The following SLC71A1 variants were observed in gnomAD, a reference collection of about 807,000 sequenced individuals.
SLC71A1 encodes solute carrier family 71 member 1.
At chr1:100,043,872 C>T in the SLC71A1 span, among the ~76,000 whole-genome samples, 2 of 152,208 alleles carry the variant, frequency 1.3e-5, no homozygotes, top group East Asian at 3.8e-4. Context: ...CAAGTTTCTG[C>T]AAAAGACATT....
At chr1:100,053,548 C>T in the SLC71A1 span, among the ~76,000 whole-genome samples, 2 of 152,050 alleles carry the variant, frequency 1.3e-5, no homozygotes, top group African/African-American at 4.8e-5. Flanking sequence ...TAGTTTGTTT[C>T]AGCATTTCAG....
the SLC71A1 span, chr1:100,049,962 G>T: frequency 6.2e-7 from 1 of 1,610,156 alleles, no homozygotes; most frequent in East Asian, 2.2e-5. Context: ...TCATCTTTTT[G>T]GAGTTTTTTG....
the SLC71A1 span, among the ~76,000 whole-genome samples, chr1:100,077,779 C>T: frequency 6.6e-6 from 1 of 152,106 alleles, no homozygotes; most frequent in Admixed American, 6.5e-5. Context: ...AGTAGTGACG[C>T]TTGTTGTCAG....
the SLC71A1 span, chr1:100,078,728 C>T: frequency 9.9e-6 from 5 of 503,100 alleles, no homozygotes; most frequent in Admixed American, 1.0e-4. Context: ...TACATATTCC[C>T]TTTTCTCTCA....
chr1:100,045,602 T>G, the SLC71A1 span, among the ~76,000 whole-genome samples: 1 of 152,242 alleles, frequency 6.6e-6, no homozygotes, highest in African/African-American at 2.4e-5. Context: ...CAAGCATATG[T>G]TGATACAGGT....
the SLC71A1 span, among the ~76,000 whole-genome samples, chr1:100,067,510 G>C: frequency 6.6e-6 from 1 of 152,172 alleles, no homozygotes; most frequent in African/African-American, 2.4e-5. Context: ...TGCCAAAGGA[G>C]AGAGTATAAG....
chr1:100,038,468 A>T, the SLC71A1 span: 58 of 674,378 alleles, frequency 8.6e-5, no homozygotes, highest in South Asian at 9.7e-4. Context: ...GCGGACCCGC[A>T]TGCCGCCGCT....
the SLC71A1 span, among the ~76,000 whole-genome samples, chr1:100,051,252 G>A: frequency 6.6e-6 from 1 of 151,840 alleles, no homozygotes; most frequent in Non-Finnish European, 1.5e-5. Flanking sequence ...TTAGCTGTGC[G>A]TGGTGGTACG....
chr1:100,066,564 G>A, the SLC71A1 span, among the ~76,000 whole-genome samples: 7 of 152,198 alleles, frequency 4.6e-5, no homozygotes, highest in East Asian at 1.9e-4. Flanking sequence ...GCCCAAGACC[G>A]TTCTTCCAGC....
chr1:100,078,365 C>A, the SLC71A1 span: 2 of 856,144 alleles, frequency 2.3e-6, no homozygotes, highest in Non-Finnish European at 1.9e-6. Context: ...AGCCATTTCA[C>A]AGTAAGAATT....
Sources: gnomAD v4.1 joint callset for allele counts (sites outside exome capture counted in the v4.1 genomes callset) on GRCh38, gnomAD v4.1.1 for gene constraint, MANE v1.5 for transcripts, NCBI Gene and HGNC (gene_info 2026-07-23, HGNC 2026-07-21) for gene names.